NAA15: variants seen among roughly 807,000 people sequenced by gnomAD.
NAA15 encodes the protein N-terminal acetyltransferase.
In NAA15, 34 loss-of-function variants were observed where a neutral mutation model predicts 114.0. That is an observed-to-expected ratio of 0.30 (90% confidence interval 0.23 to 0.40). NAA15 has a LOEUF of 0.40. Among genes scored for constraint, NAA15 ranks in the 10% least tolerant of loss-of-function variants. NAA15 has a pLI of 1.00. For missense variants in NAA15, 658 were observed against 1,004.5 expected (o/e 0.66, Z 4.66); for synonymous variants, 340 against 338.0 (o/e 1.01, Z -0.06).
intron 9 of NAA15, among the ~76,000 whole-genome samples, chr4:139,351,860 G>C (rs1458788708): frequency 2.7e-5 from 4 of 150,492 alleles, no homozygotes; most frequent in African/African-American, 9.8e-5. Context: ...GTCACTGTAG[G>C]TTATAAAAAG....
At chr4:139,347,481 T>TA (rs956122994) in intron 6 of NAA15, among the ~76,000 whole-genome samples, 1 of 151,196 alleles carries the variant, frequency 6.6e-6, no homozygotes, top group Non-Finnish European at 1.5e-5. Context: ...AAAATAAAAA[T>TA]AAAAAAATTA....
intron 5 of NAA15, among the ~76,000 whole-genome samples, chr4:139,343,690 C>T (rs189278352): frequency 1.3e-5 from 2 of 152,190 alleles, no homozygotes; most frequent in East Asian, 1.9e-4. Flanking sequence ...GCCATCAGTT[C>T]GTTCCATTTG....
At chr4:139,372,605 T>G (rs1353407114) in intron 15 of NAA15, among the ~76,000 whole-genome samples, 1 of 152,180 alleles carries the variant, frequency 6.6e-6, no homozygotes, top group Non-Finnish European at 1.5e-5. Context: ...TTACCAAGAT[T>G]TCCAAATGTG....
intron 7 of NAA15, 54 bp from the exon 8 acceptor site, chr4:139,351,136 GA>G (rs983635941): frequency 1.2e-5 from 11 of 917,284 alleles, no homozygotes; most frequent in Non-Finnish European, 1.7e-5. Context: ...TAATTTTCCA[GA>G]AAAAATATAC....
intron 17 of NAA15, among the ~76,000 whole-genome samples, chr4:139,381,260 T>G (rs544499636): frequency 1.3e-5 from 2 of 152,190 alleles, no homozygotes; most frequent in Non-Finnish European, 2.9e-5. Context: ...ATTTTAAATT[T>G]TAAAGTTGTA....
chr4:139,330,714 A>G (rs937291121), intron 1 of NAA15, among the ~76,000 whole-genome samples: 1 of 152,178 alleles, frequency 6.6e-6, no homozygotes, highest in Non-Finnish European at 1.5e-5. Context: ...TTTCAGATGC[A>G]AAACAACAGC....
chr4:139,348,135 T>C (rs1258089204), intron 6 of NAA15, among the ~76,000 whole-genome samples: 1 of 151,368 alleles, frequency 6.6e-6, no homozygotes, highest in Non-Finnish European at 1.5e-5. Context: ...GAGAATTGAA[T>C]TAGTTAACGC....
At position 139,334,980 on chromosome 4, in the gene NAA15, C is replaced by A. The variant is rs1747149865; in HGVS notation, c.139+722C>A. Among the ~76,000 whole-genome samples the A allele has an allele frequency of 2.6e-5, 4 of 151,804 alleles. No homozygotes were observed. In the South Asian group the frequency reaches 8.3e-4, roughly 31 times the overall value. ...GTGTTTCACTTTATACTTTCTTTTA[C>A]TGTAATTGTTTGGAGATGGAAAACA... On this transcript the variant is annotated intron_variant, in intron 2 of 19. Transcript: ENST00000296543.
intron 1 of NAA15, among the ~76,000 whole-genome samples, chr4:139,317,449 C>T (rs918935040): frequency 2.7e-4 from 41 of 152,228 alleles, no homozygotes; most frequent in Admixed American, 5.9e-4. Context: ...TGGTGAAACC[C>T]GTCTCTACTA....
intron 6 of NAA15, 34 bp downstream of exon 6, chr4:139,344,373 T>G: frequency 6.4e-7 from 1 of 1,564,676 alleles, no homozygotes; most frequent in Non-Finnish European, 8.7e-7. Context: ...TATTCTAATA[T>G]TGAAATATGA....
chr4:139,363,565 T>G (rs1157760655), intron 14 of NAA15, among the ~76,000 whole-genome samples: 1 of 152,238 alleles, frequency 6.6e-6, no homozygotes, highest in African/African-American at 2.4e-5. Context: ...ATATCATAAT[T>G]ATTATTTTCA....
At position 139,389,121 on chromosome 4, in the gene NAA15, A is replaced by G. The variant is rs371705062; in HGVS notation, c.*1037A>G. On this transcript the variant is annotated 3_prime_UTR_variant, in exon 20 of 20. Transcript: ENST00000296543. ...AGGTTTGTAATACTTGAAGCCCTAC[A>G]TTTCTAAGAATATATTTCTTGCTCA... 2.0e-5 allele frequency: 3 copies of G among 150,888 alleles called. No individual in the cohort carries two copies. The highest frequency in any genetic ancestry group is 7.3e-5 in the African/African-American group (3 of 40,868). 9.3% of individuals were successfully genotyped at this position (150,888 alleles called of 1,614,324 possible).
At chr4:139,319,046 T>G (rs1440607667) in intron 1 of NAA15, among the ~76,000 whole-genome samples, 1 of 152,052 alleles carries the variant, frequency 6.6e-6, no homozygotes, top group Non-Finnish European at 1.5e-5. Flanking sequence ...CCCAGCACTT[T>G]GGGAGGCCAA....
At chr4:139,339,888 T>C (rs1003953943) in intron 3 of NAA15, among the ~76,000 whole-genome samples, 1 of 152,202 alleles carries the variant, frequency 6.6e-6, no homozygotes, top group Non-Finnish European at 1.5e-5. Flanking sequence ...GAAAAAGGGC[T>C]GTATTTGGGA....
intron 1 of NAA15, among the ~76,000 whole-genome samples, chr4:139,308,896 C>T (rs907468965): frequency 2.0e-5 from 3 of 151,670 alleles, no homozygotes; most frequent in Non-Finnish European, 2.9e-5. Context: ...GGATTACAGG[C>T]GTGAGCCACC....
chr4:139,370,609 A>C (rs544203620), intron 15 of NAA15, among the ~76,000 whole-genome samples: 1 of 152,148 alleles, frequency 6.6e-6, no homozygotes, highest in Middle Eastern at 3.2e-3. Flanking sequence ...ATCCTGTTCC[A>C]AAGTCATATA....
At chr4:139,302,731 T>C (rs995860793) in intron 1 of NAA15, among the ~76,000 whole-genome samples, 1 of 152,262 alleles carries the variant, frequency 6.6e-6, no homozygotes, top group Non-Finnish European at 1.5e-5. Flanking sequence ...CTCAGACTTA[T>C]TCCCTACGGT....
At position 139,389,465 on chromosome 4, in the gene NAA15, G is replaced by C. The variant is rs1187171038; in HGVS notation, c.*1381G>C. On this transcript the variant is annotated 3_prime_UTR_variant, in exon 20 of 20. Coordinates refer to ENST00000296543, the MANE Select transcript of NAA15 (RefSeq NM_057175.5). ...TAGAAGGGGCTAAGTGCTGGTGTCA[G>C]GGAAATTCCATAATGAAGTAGAATG... 1.3e-5 allele frequency: 2 copies of C among 152,518 alleles called. No individual in the cohort carries two copies. The highest frequency in any genetic ancestry group is 2.1e-4 in the South Asian group (1 of 4,822). 9.4% of individuals were successfully genotyped at this position (152,518 alleles called of 1,614,324 possible). A position where few individuals can be genotyped will look rare whatever the true frequency, so the allele number is the denominator to read the frequency against.
intron 14 of NAA15, 23 bp downstream of exon 14, chr4:139,361,960 T>G (rs777663174): frequency 6.6e-7 from 1 of 1,516,248 alleles, no homozygotes; most frequent in East Asian, 2.3e-5. Context: ...GAGTTCTTCT[T>G]GTGCTCTGAT....
Sources: gnomAD v4.1 joint callset for allele counts (sites outside exome capture counted in the v4.1 genomes callset) on GRCh38, gnomAD v4.1.1 for gene constraint, MANE v1.5 for transcripts, NCBI Gene and HGNC (gene_info 2026-07-23, HGNC 2026-07-21) for gene names.